CDH12: variants seen among roughly 807,000 people sequenced by gnomAD.
CDH12 encodes cadherin 12, also known as cadherin-12.
CDH12 carries 41 observed loss-of-function variants against 74.1 expected under a neutral mutation model. The observed-to-expected ratio is 0.55, with a 90% CI of 0.43 to 0.72. The LOEUF (loss-of-function observed/expected upper bound fraction) is 0.72. Ranked by LOEUF, CDH12 falls within the 30% of genes least tolerant of loss-of-function variation. The pLI is 0.00. For missense variants in CDH12, 945 were observed against 977.2 expected (o/e 0.97, Z 0.44); for synonymous variants, 399 against 355.0 (o/e 1.12, Z -1.39).
intron 6 of CDH12, among the ~76,000 whole-genome samples, chr5:21,901,911 A>G (rs1202936021): frequency 1.3e-5 from 1 of 78,498 alleles, no homozygotes; most frequent in African/African-American, 2.7e-5. Context: ...TTATGACTTT[A>G]TTGTATAACA....
Position 22,283,226 on chromosome 5 carries a change from ATATATATAT to A in CDH12, c.-332-70592_-332-70584del, listed in dbSNP as rs1330876507. 3.7e-3 allele frequency among the ~76,000 whole-genome samples: 384 copies of A among 102,972 alleles called. 4 individuals carry two copies. The highest frequency in any genetic ancestry group is 9.7e-3 in the African/African-American group (184 of 19,058). The allele number at this position is 102,972 out of a possible 152,430, so 67.6% of individuals were successfully genotyped here. On this transcript the variant is annotated intron_variant, in intron 3 of 14. Coordinates refer to ENST00000382254, the MANE Select transcript of CDH12 (RefSeq NM_004061.5). Reference sequence around the variant, plus strand: ...GTGAGATATATATATAGATATATATATATATATATATATATATATATATATACACACACA... The same window carrying A: ...GTGAGATATATATATAGATATATATAATATATATATATATATACACACACA...
chr5:22,651,601 C>T (rs1739741347), intron 1 of CDH12, among the ~76,000 whole-genome samples: 3 of 152,062 alleles, frequency 2.0e-5, no homozygotes. Flanking sequence ...GTCTCTCTCC[C>T]TTGACACATG....
rs115609149 is a variant in CDH12, at chr5:22,588,195, T to C, written c.-522-82831A>G. Among the ~76,000 whole-genome samples, 791 of 152,050 alleles carry C rather than the reference T, an allele frequency of 5.2e-3. 4 individuals carry two copies. The highest frequency in any genetic ancestry group is 0.026 in the South Asian group (125 of 4,820). Reference sequence around the variant, plus strand: ...TAATTACAATTAGTTGCCAAACTAATGTGTAGAAATGGAATAGACAGGAAA... The same window carrying C: ...TAATTACAATTAGTTGCCAAACTAACGTGTAGAAATGGAATAGACAGGAAA... On this transcript the variant is annotated intron_variant, in intron 1 of 14. Coordinates refer to ENST00000382254, the MANE Select transcript of CDH12 (RefSeq NM_004061.5).
chr5:22,310,156 C>A (rs1171033465), intron 3 of CDH12, among the ~76,000 whole-genome samples: 1 of 151,642 alleles, frequency 6.6e-6, no homozygotes, highest in Admixed American at 6.6e-5. Context: ...TAATAAAAAA[C>A]AACAATAACA....
At position 22,078,721 on chromosome 5, in the gene CDH12, TA is replaced by T. The variant is rs773923996; in HGVS notation, c.-46del. On this transcript the variant is annotated 5_prime_UTR_variant, in exon 5 of 15. Coordinates refer to ENST00000382254, the MANE Select transcript of CDH12 (RefSeq NM_004061.5). ...GCAGAGTAATAAAAACTCCAACACT[TA>T]ACGTAGAATTGTGGAATCCAGGTTT... 4 of 1,596,642 alleles carry T rather than the reference TA, an allele frequency of 2.5e-6. No homozygotes were observed. The highest frequency in any genetic ancestry group is 3.4e-6 in the Non-Finnish European group (4 of 1,170,466).
At chr5:22,747,023 CCT>C (rs1368667076) in intron 1 of CDH12, among the ~76,000 whole-genome samples, 1 of 152,108 alleles carries the variant, frequency 6.6e-6, no homozygotes, top group Non-Finnish European at 1.5e-5. Flanking sequence ...TTGAATTTCT[CCT>C]CTGTCTTCCA....
intron 1 of CDH12, among the ~76,000 whole-genome samples, chr5:22,756,035 T>G (rs987228121): frequency 6.8e-6 from 1 of 147,976 alleles, no homozygotes; most frequent in Admixed American, 6.9e-5. Context: ...CCTGAAAAAT[T>G]CCTTCTTTAG....
intron 5 of CDH12, among the ~76,000 whole-genome samples, chr5:22,034,917 A>G (rs185492501): frequency 1.1e-4 from 17 of 152,310 alleles, no homozygotes; most frequent in Admixed American, 1.0e-3. Context: ...GTCATCGGTT[A>G]ACGCCATTGA....
chr5:21,888,903 C>T (rs892006625), intron 6 of CDH12, among the ~76,000 whole-genome samples: 2 of 151,820 alleles, frequency 1.3e-5, no homozygotes, highest in African/African-American at 2.4e-5. Flanking sequence ...TGATTTTAAG[C>T]TTCTATCATT....
chr5:22,559,880 T>C (rs1338334458), intron 1 of CDH12, among the ~76,000 whole-genome samples: 1 of 152,196 alleles, frequency 6.6e-6, no homozygotes, highest in African/African-American at 2.4e-5. Context: ...TCATACATGA[T>C]GTAATCCATA....
intron 1 of CDH12, among the ~76,000 whole-genome samples, chr5:22,847,422 T>A (rs1737357475): frequency 6.6e-6 from 1 of 152,184 alleles, no homozygotes; most frequent in African/African-American, 2.4e-5. Flanking sequence ...TTGGGTATAT[T>A]GTTATCTGCT....
intron 6 of CDH12, among the ~76,000 whole-genome samples, chr5:21,957,665 G>C (rs13354679): frequency 0.012 from 1,807 of 152,202 alleles, 39 homozygotes; most frequent in African/African-American, 0.04. Context: ...CTAATGATCA[G>C]TGATATTGAG....
At chr5:22,307,345 C>T (rs986783844) in intron 3 of CDH12, among the ~76,000 whole-genome samples, 1 of 152,114 alleles carries the variant, frequency 6.6e-6, no homozygotes, top group Non-Finnish European at 1.5e-5. Flanking sequence ...ACAGTACATG[C>T]CGTCTTTAAA....
At chr5:22,333,404 G>T (rs1477024286) in intron 3 of CDH12, among the ~76,000 whole-genome samples, 1 of 151,994 alleles carries the variant, frequency 6.6e-6, no homozygotes, top group Non-Finnish European at 1.5e-5. Flanking sequence ...GACAGGTGCA[G>T]CAAACTATCA....
At chr5:22,305,796 CCG>C (rs1561298489) in intron 3 of CDH12, among the ~76,000 whole-genome samples, 1 of 152,134 alleles carries the variant, frequency 6.6e-6, no homozygotes, top group Non-Finnish European at 1.5e-5. Context: ...TAAATGTTGA[CCG>C]TAAATGTTTT....
Position 22,039,166 on chromosome 5 carries a change from T to C in CDH12, c.231+39280A>G, listed in dbSNP as rs1013408106. ...TACTACATGGGAGCCTGGTTATCCATGGGGATAACCCTTGGATCTGAGTTG... is the reference window on the plus strand; with the variant it reads ...TACTACATGGGAGCCTGGTTATCCACGGGGATAACCCTTGGATCTGAGTTG... On this transcript the variant is annotated intron_variant, in intron 5 of 14. Transcript: ENST00000382254. Among the ~76,000 whole-genome samples, 9 of 152,088 alleles carry C rather than the reference T, an allele frequency of 5.9e-5. No homozygotes were observed. The East Asian group carries it at 1.5e-3, about 26-fold the overall frequency.
intron 4 of CDH12, among the ~76,000 whole-genome samples, chr5:22,153,038 C>T (rs1287232776): frequency 3.3e-5 from 5 of 152,046 alleles, no homozygotes; most frequent in African/African-American, 7.2e-5. Context: ...GTTTCTGTAC[C>T]TGAGCTATTG....
At chr5:22,198,216 C>A (rs1750728737) in intron 4 of CDH12, among the ~76,000 whole-genome samples, 1 of 152,128 alleles carries the variant, frequency 6.6e-6, no homozygotes, top group Admixed American at 6.5e-5. Flanking sequence ...AGTAGTCTCT[C>A]TTTTGTACTT....
chr5:22,313,950 A>G (rs747595495), intron 3 of CDH12, among the ~76,000 whole-genome samples: 1 of 152,272 alleles, frequency 6.6e-6, no homozygotes, highest in East Asian at 1.9e-4. Flanking sequence ...AACCACTTGT[A>G]CCCCAAAAGC....
Sources: gnomAD v4.1 joint callset for allele counts (sites outside exome capture counted in the v4.1 genomes callset) on GRCh38, gnomAD v4.1.1 for gene constraint, MANE v1.5 for transcripts, NCBI Gene and HGNC (gene_info 2026-07-23, HGNC 2026-07-21) for gene names.